Variants in AGBL3 observed in about 807,000 individuals in gnomAD.
The protein encoded by AGBL3 is cytosolic carboxypeptidase 3.
In AGBL3, 68 loss-of-function variants were observed where a neutral mutation model predicts 94.5. The ratio of observed to expected loss-of-function variants is 0.72; its 90% CI spans 0.59 to 0.88. AGBL3 has a LOEUF of 0.88. Among genes scored for constraint, AGBL3 ranks in the 40% least tolerant of loss-of-function variants. The pLI is 0.00. For synonymous variants in AGBL3, 354 were observed against 370.7 expected (o/e 0.95, Z 0.52); for missense variants, 934 against 1,103.8 (o/e 0.85, Z 2.18).
chr7:135,024,692 A>C (rs539060316), intron 5 of AGBL3, among the ~76,000 whole-genome samples: 1 of 152,342 alleles, frequency 6.6e-6, no homozygotes, highest in Non-Finnish European at 1.5e-5. Context: ...TCTGGATGGC[A>C]AGGAATCTTA....
intron 9 of AGBL3, among the ~76,000 whole-genome samples, chr7:135,044,662 C>T (rs1409487371): frequency 2.0e-5 from 3 of 152,020 alleles, no homozygotes; most frequent in Admixed American, 6.6e-5. Flanking sequence ...AATGTATCAA[C>T]TTAAAGTGCT....
At chr7:135,124,337 A>G (rs62479726) in intron 16 of AGBL3, among the ~76,000 whole-genome samples, 7,753 of 152,324 alleles carry the variant, frequency 0.051, 279 homozygotes, top group Middle Eastern at 0.18. Context: ...CAATTCAACA[A>G]GAAGAGCTAA....
At chr7:134,988,161 G>A (rs1809712376) in intron 2 of AGBL3, 165 bp downstream of exon 2, 2 of 554,746 alleles carry the variant, frequency 3.6e-6, no homozygotes, top group Non-Finnish European at 6.4e-6. Context: ...GCTATCACTG[G>A]GAACACTATG....
chr7:135,001,877 G>C (rs1811762461), intron 4 of AGBL3, among the ~76,000 whole-genome samples: 1 of 152,112 alleles, frequency 6.6e-6, no homozygotes, highest in African/African-American at 2.4e-5. Flanking sequence ...TTGTCATTTT[G>C]CATTTCCTTA....
intron 16 of AGBL3, chr7:135,128,371 T>G: frequency 7.5e-6 from 3 of 397,802 alleles, no homozygotes; most frequent in Non-Finnish European, 9.1e-6. Flanking sequence ...ATGGCCCTGG[T>G]GGGAGTGTAG....
intron 12 of AGBL3, among the ~76,000 whole-genome samples, chr7:135,070,519 T>A (rs1055051331): frequency 6.6e-6 from 1 of 152,208 alleles, no homozygotes; most frequent in African/African-American, 2.4e-5. Context: ...TCAAAAAGCT[T>A]ATCCACCATA....
intron 15 of AGBL3, among the ~76,000 whole-genome samples, chr7:135,101,844 CAT>C (rs1003387353): frequency 1.3e-5 from 2 of 152,192 alleles, no homozygotes; most frequent in Admixed American, 1.3e-4. Flanking sequence ...ATAATTCCCA[CAT>C]GTTGTGGGAG....
chr7:135,071,027 G>C (rs958804050), intron 12 of AGBL3, among the ~76,000 whole-genome samples: 2 of 152,162 alleles, frequency 1.3e-5, no homozygotes, highest in Non-Finnish European at 2.9e-5. Flanking sequence ...CTTCAGCAAA[G>C]TCTCAGGATA....
chr7:135,019,926 G>T lies in AGBL3; in HGVS notation c.418+2767G>T, dbSNP rs1017527780. Among the ~76,000 whole-genome samples, 20 of 152,090 alleles carry T rather than the reference G, an allele frequency of 1.3e-4. 1 individual carries two copies. The highest frequency in any genetic ancestry group is 4.8e-4 in the African/African-American group (20 of 41,406). On this transcript the variant is annotated intron_variant, in intron 5 of 16. Transcript: ENST00000436302. ...AAAAATTAATTTAAGATGGATTAAA[G>T]ACTTAAATGTTAGACCTAAAACCAT...
chr7:135,002,089 G>A (rs987339415), intron 4 of AGBL3, among the ~76,000 whole-genome samples: 1 of 152,110 alleles, frequency 6.6e-6, no homozygotes, highest in Non-Finnish European at 1.5e-5. Context: ...ACATTTCAGT[G>A]AGTCAGGGTA....
At chr7:135,080,099 G>T in intron 13 of AGBL3, 104 bp from the exon 14 acceptor site, 1 of 897,912 alleles carries the variant, frequency 1.1e-6, no homozygotes, top group Non-Finnish European at 1.7e-6. Context: ...GATGAAATGA[G>T]AAATATTTGT....
At chr7:135,065,358 C>G in intron 12 of AGBL3, among the ~76,000 whole-genome samples, 1 of 152,094 alleles carries the variant, frequency 6.6e-6, no homozygotes, top group East Asian at 1.9e-4. Flanking sequence ...CACAAAAGAG[C>G]CTGAATAGCT....
At chr7:134,990,958 C>A (rs1810162106) in intron 3 of AGBL3, among the ~76,000 whole-genome samples, 1 of 152,064 alleles carries the variant, frequency 6.6e-6, no homozygotes, top group Non-Finnish European at 1.5e-5. Context: ...GGCAATCAAT[C>A]CAGTTAGGTT....
chr7:135,022,651 G>A lies in AGBL3; in HGVS notation c.418+5492G>A, dbSNP rs114796845. 7.0e-4 allele frequency among the ~76,000 whole-genome samples: 106 copies of A among 152,076 alleles called. 1 individual carries two copies. Among genetic ancestry groups the A allele is most frequent in the African/African-American group, 2.3e-3 (96 of 41,478 alleles). ...TGATAGTTTCCTTTGCTATGCAGAT[G>A]CTCTTCAGTTTAATTAGATCCCATT... On this transcript the variant is annotated intron_variant, in intron 5 of 16. Coordinates refer to ENST00000436302, the MANE Select transcript of AGBL3 (RefSeq NM_178563.4).
At chr7:135,064,698 T>C (rs527520677) in intron 12 of AGBL3, among the ~76,000 whole-genome samples, 2 of 152,276 alleles carry the variant, frequency 1.3e-5, no homozygotes, top group Admixed American at 1.3e-4. Flanking sequence ...CCTGAGCATC[T>C]GGAGATTAGA....
At chr7:135,116,116 C>T (rs1826278523) in intron 16 of AGBL3, among the ~76,000 whole-genome samples, 1 of 152,040 alleles carries the variant, frequency 6.6e-6, no homozygotes, top group African/African-American at 2.4e-5. Flanking sequence ...AAATACAATA[C>T]TAATATTATC....
Position 135,098,904 on chromosome 7 carries a change from A to G in AGBL3, c.2111-16476A>G, listed in dbSNP as rs528980055. Among the ~76,000 whole-genome samples the G allele has an allele frequency of 2.0e-5, 3 of 152,334 alleles. No homozygotes were observed. The East Asian group carries it at 5.8e-4, about 29-fold the overall frequency. On this transcript the variant is annotated intron_variant, in intron 15 of 16. Transcript: ENST00000436302. ...AATAATAATATGACATATAAAACTT[A>G]AATATCCACTAAAGAGCTAAAATGT... is the stretch of plus-strand genomic sequence containing the variant.
intron 4 of AGBL3, among the ~76,000 whole-genome samples, chr7:135,006,513 A>AT (rs997303962): frequency 1.3e-5 from 2 of 151,980 alleles, no homozygotes; most frequent in African/African-American, 2.4e-5. Flanking sequence ...TTTTGTTCAT[A>AT]TAACAGTGGA....
intron 15 of AGBL3, among the ~76,000 whole-genome samples, chr7:135,087,829 G>A (rs537300939): frequency 1.3e-5 from 2 of 152,026 alleles, no homozygotes; most frequent in Admixed American, 1.3e-4. Flanking sequence ...TGTTTATTAG[G>A]TTCATTTGTT....
Sources: gnomAD v4.1 joint callset for allele counts (sites outside exome capture counted in the v4.1 genomes callset) on GRCh38, gnomAD v4.1.1 for gene constraint, MANE v1.5 for transcripts, NCBI Gene and HGNC (gene_info 2026-07-23, HGNC 2026-07-21) for gene names.